RIMS2: variants seen among roughly 807,000 people sequenced by gnomAD.
RIMS2 encodes the protein regulating synaptic membrane exocytosis 2, also known as regulating synaptic membrane exocytosis protein 2.
A neutral mutation model predicts 174.4 loss-of-function variants in RIMS2; 59 were observed. That is an observed-to-expected ratio of 0.34 (90% CI 0.27 to 0.42). The LOEUF is 0.42. Among genes scored for constraint, RIMS2 ranks in the 10% least tolerant of loss-of-function variants. The pLI, the probability that RIMS2 is intolerant of heterozygous loss-of-function variation, is 1.00. For missense variants in RIMS2, 1,620 were observed against 1,666.3 expected, an observed-to-expected ratio of 0.97 and a Z score of 0.48; for synonymous variants, 606 against 572.5, an observed-to-expected ratio of 1.06 and a Z score of -0.84.
chr8:103,623,605 C>T (rs1245279560), intron 1 of RIMS2, among the ~76,000 whole-genome samples: 1 of 150,890 alleles, frequency 6.6e-6, no homozygotes, highest in Non-Finnish European at 1.5e-5. Context: ...CTGCCTCAGC[C>T]TCCCGAGTAG....
At chr8:103,917,701 C>G (rs1255738802) in intron 8 of RIMS2, among the ~76,000 whole-genome samples, 1 of 152,016 alleles carries the variant, frequency 6.6e-6, no homozygotes, top group Non-Finnish European at 1.5e-5. Context: ...AACATGTTTG[C>G]CTTTTTCTCA....
intron 4 of RIMS2, among the ~76,000 whole-genome samples, chr8:103,895,371 C>T (rs2099271725): frequency 6.6e-6 from 1 of 151,446 alleles, no homozygotes; most frequent in Admixed American, 6.6e-5. Flanking sequence ...GATTAAGGTG[C>T]TGGCAGATTC....
intron 3 of RIMS2, among the ~76,000 whole-genome samples, chr8:103,797,268 G>A: frequency 6.6e-6 from 1 of 152,090 alleles, no homozygotes; most frequent in East Asian, 1.9e-4. Context: ...TGCTTAGAAA[G>A]GATACCATTA....
At chr8:104,206,570 C>T (rs2099081172) in intron 19 of RIMS2, among the ~76,000 whole-genome samples, 2 of 152,134 alleles carry the variant, frequency 1.3e-5, no homozygotes, top group East Asian at 1.9e-4. Context: ...CTGGGGGCTT[C>T]GTATTCACTG....
At chr8:103,527,457 TG>T (rs1834617994) in intron 1 of RIMS2, among the ~76,000 whole-genome samples, 1 of 152,200 alleles carries the variant, frequency 6.6e-6, no homozygotes, top group Non-Finnish European at 1.5e-5. Flanking sequence ...TTGTTACATA[TG>T]TATACATGTG....
chr8:103,518,542 A>G (rs1170788588), intron 1 of RIMS2, among the ~76,000 whole-genome samples: 1 of 151,846 alleles, frequency 6.6e-6, no homozygotes, highest in Non-Finnish European at 1.5e-5. Flanking sequence ...TTATTTGGAA[A>G]AAAGAAAATA....
At chr8:103,557,725 TATAAC>T (rs984521031) in intron 1 of RIMS2, among the ~76,000 whole-genome samples, 2 of 152,232 alleles carry the variant, frequency 1.3e-5, no homozygotes, top group African/African-American at 4.8e-5. Flanking sequence ...ACTTTTCACT[TATAAC>T]TAACTGAATT....
At chr8:103,531,401 T>A (rs1358956795) in intron 1 of RIMS2, among the ~76,000 whole-genome samples, 1 of 152,180 alleles carries the variant, frequency 6.6e-6, no homozygotes, top group East Asian at 1.9e-4. Context: ...TTCTAAATAA[T>A]CCAAAGATTA....
intron 3 of RIMS2, among the ~76,000 whole-genome samples, chr8:103,792,287 A>G (rs1203945064): frequency 2.0e-5 from 3 of 152,236 alleles, no homozygotes; most frequent in Middle Eastern, 3.2e-3. Context: ...CCTCTCACCT[A>G]CATGGAAACT....
chr8:103,821,548 G>A (rs1210683741), intron 3 of RIMS2, among the ~76,000 whole-genome samples: 1 of 151,552 alleles, frequency 6.6e-6, no homozygotes, highest in East Asian at 1.9e-4. Flanking sequence ...TACTTTTAAG[G>A]TCAATCAAAA....
chr8:104,057,675 G>A (rs1445010731), intron 19 of RIMS2, among the ~76,000 whole-genome samples: 6 of 146,802 alleles, frequency 4.1e-5, no homozygotes, highest in African/African-American at 1.0e-4. Context: ...CCATTAACTC[G>A]TCATTTAGCA....
At chr8:103,717,138 C>T (rs200337767) in intron 2 of RIMS2, among the ~76,000 whole-genome samples, 137 of 112,972 alleles carry the variant, frequency 1.2e-3, no homozygotes, top group African/African-American at 1.8e-3. Context: ...ATAGTGCCTT[C>T]TTTTTTTTTT....
chr8:103,894,557 G>A (rs2099266394), intron 4 of RIMS2, among the ~76,000 whole-genome samples: 1 of 151,402 alleles, frequency 6.6e-6, no homozygotes, highest in Non-Finnish European at 1.5e-5. Context: ...TCAGTGTTTG[G>A]CAGTACCTAT....
intron 15 of RIMS2, among the ~76,000 whole-genome samples, chr8:103,972,940 T>C (rs1339762178): frequency 6.6e-6 from 1 of 152,228 alleles, no homozygotes; most frequent in Non-Finnish European, 1.5e-5. Flanking sequence ...TAGATTCTCA[T>C]TAATACCATC....
At chr8:103,607,340 T>A (rs1452801199) in intron 1 of RIMS2, among the ~76,000 whole-genome samples, 1 of 152,052 alleles carries the variant, frequency 6.6e-6, no homozygotes, top group African/African-American at 2.4e-5. Flanking sequence ...CCCACTCTCT[T>A]CTGGCTTGTA....
At chr8:103,701,297 A>G (rs2097163923) in intron 2 of RIMS2, among the ~76,000 whole-genome samples, 3 of 152,128 alleles carry the variant, frequency 2.0e-5, no homozygotes, top group Admixed American at 2.0e-4. Context: ...TTATGGATAC[A>G]TAATATTTAA....
At chr8:103,699,595 C>T (rs912918389) in intron 2 of RIMS2, among the ~76,000 whole-genome samples, 8 of 151,364 alleles carry the variant, frequency 5.3e-5, no homozygotes, top group African/African-American at 1.2e-4. Flanking sequence ...TTTCTTTTTT[C>T]GTTTCTTTTC....
In RIMS2 at chr8:103,749,261, G is replaced by A. The variant is rs1363164992; in HGVS notation, c.388-16966G>A. The stretch of plus-strand genomic sequence containing the variant: ...CGAGTAGCTGGGACTACAGGCATCC[G>A]CCAGCACGCCCGGCTAACTTTTTTG... On this transcript the variant is annotated intron_variant, in intron 2 of 23. Transcript: ENST00000504942. 2.6e-5 allele frequency among the ~76,000 whole-genome samples: 4 copies of A among 151,698 alleles called. No homozygotes were observed. In the South Asian group the frequency reaches 6.2e-4, roughly 24 times the overall value.
intron 3 of RIMS2, among the ~76,000 whole-genome samples, chr8:103,868,049 T>G (rs1372961407): frequency 6.6e-6 from 1 of 152,066 alleles, no homozygotes; most frequent in Non-Finnish European, 1.5e-5. Flanking sequence ...CATTCTTTGT[T>G]CATCATATAG....
Sources: gnomAD v4.1 joint callset for allele counts (sites outside exome capture counted in the v4.1 genomes callset) on GRCh38, gnomAD v4.1.1 for gene constraint, MANE v1.5 for transcripts, NCBI Gene and HGNC (gene_info 2026-07-23, HGNC 2026-07-21) for gene names.